The following RIMS1 variants were observed in gnomAD, a reference collection of about 807,000 sequenced individuals.
RIMS1 encodes regulating synaptic membrane exocytosis protein 1.
Under a neutral mutation model 214.1 loss-of-function variants are expected in RIMS1, and 83 were observed. The ratio of observed to expected loss-of-function variants is 0.39; its 90% CI spans 0.32 to 0.47. The LOEUF is 0.47. Among genes scored for constraint, RIMS1 ranks in the 20% least tolerant of loss-of-function variants. The pLI is 0.99. For synonymous variants in RIMS1, 793 were observed against 786.8 expected, an observed-to-expected ratio of 1.01 and a Z score of -0.13; for missense variants, 2,050 against 2,161.8, an observed-to-expected ratio of 0.95 and a Z score of 1.03.
At chr6:72,061,184 A>G (rs570403) in intron 2 of RIMS1, among the ~76,000 whole-genome samples, 103,486 of 151,952 alleles carry the variant, frequency 0.68, 35,681 homozygotes, top group African/African-American at 0.8. Context: ...ACTCAGACCT[A>G]CTAAAATAAT....
At chr6:72,247,333 G>A (rs894262315) in intron 11 of RIMS1, among the ~76,000 whole-genome samples, 2 of 152,122 alleles carry the variant, frequency 1.3e-5, no homozygotes, top group Admixed American at 1.3e-4. Context: ...GAGGTCAGGA[G>A]TTCGAGACCA....
intron 19 of RIMS1, chr6:72,263,689 G>C: frequency 1.0e-6 from 1 of 985,298 alleles, no homozygotes; most frequent in Non-Finnish European, 1.2e-6. Flanking sequence ...CTTAGTTTCA[G>C]TAAAATTTGT....
chr6:71,887,278 G>A, intron 1 of RIMS1, 91 bp downstream of exon 1: 16 of 1,492,960 alleles, frequency 1.1e-5, no homozygotes, highest in Admixed American at 2.0e-5. Flanking sequence ...CTGAGTGTGG[G>A]GAAGGGGCTG....
chr6:72,344,669 T>C (rs1031291733), intron 29 of RIMS1, among the ~76,000 whole-genome samples: 1 of 151,774 alleles, frequency 6.6e-6, no homozygotes, highest in African/African-American at 2.4e-5. Flanking sequence ...ATCAAATGAA[T>C]GTAAGCATGG....
intron 4 of RIMS1, among the ~76,000 whole-genome samples, chr6:72,130,917 C>T (rs2153837820): frequency 6.6e-6 from 1 of 152,146 alleles, no homozygotes; most frequent in Middle Eastern, 3.4e-3. Flanking sequence ...TTGAGAGACT[C>T]CCCAAAACAG....
chr6:72,249,884 T>C (rs980230640), intron 12 of RIMS1, among the ~76,000 whole-genome samples: 1 of 152,166 alleles, frequency 6.6e-6, no homozygotes, highest in South Asian at 2.1e-4. Flanking sequence ...GTATTTCTTA[T>C]TCCTAATATC....
At chr6:71,946,203 G>T (rs1397925250) in intron 1 of RIMS1, among the ~76,000 whole-genome samples, 1 of 152,142 alleles carries the variant, frequency 6.6e-6, no homozygotes, top group African/African-American at 2.4e-5. Context: ...TGTGTTCATG[G>T]GTTGGAATGA....
At chr6:72,003,456 T>C (rs540413031) in intron 2 of RIMS1, among the ~76,000 whole-genome samples, 1 of 152,258 alleles carries the variant, frequency 6.6e-6, no homozygotes, top group South Asian at 2.1e-4. Context: ...AATGAATGAA[T>C]GACAGTTGAG....
At chr6:71,964,766 G>A (rs929767635) in intron 1 of RIMS1, among the ~76,000 whole-genome samples, 2 of 152,154 alleles carry the variant, frequency 1.3e-5, no homozygotes, top group East Asian at 3.9e-4. Context: ...TGTTGAGGAG[G>A]CAGTTAGATG....
In RIMS1 at chr6:72,313,792, G is replaced by A. The variant is rs148677991; in HGVS notation, c.4130+120G>A. On this transcript the variant is annotated intron_variant, in intron 28 of 33. Transcript: ENST00000521978. ...GGTCACAGTGGGTTAAGTATTTATC[G>A]ACTACTATGTAGTATTGCCAACAGA... The A allele has an allele frequency of 5.3e-4, 520 of 978,242 alleles. 3 individuals are homozygous for A. The African/African-American group carries it at 7.3e-3, about 14-fold the overall frequency. The allele number at this position is 978,242 out of a possible 1,614,324, so 60.6% of individuals were successfully genotyped here.
At chr6:72,033,518 G>A (rs551764976) in intron 2 of RIMS1, among the ~76,000 whole-genome samples, 1 of 151,922 alleles carries the variant, frequency 6.6e-6, no homozygotes, top group African/African-American at 2.4e-5. Flanking sequence ...TGCTCTTGTT[G>A]CCCAGGCTGG....
chr6:72,137,036 G>A (rs1229991631), intron 4 of RIMS1, among the ~76,000 whole-genome samples: 5 of 151,930 alleles, frequency 3.3e-5, no homozygotes, highest in Non-Finnish European at 7.4e-5. Flanking sequence ...TAGAATAAAA[G>A]TGGAGAGAAA....
intron 2 of RIMS1, among the ~76,000 whole-genome samples, chr6:72,081,325 T>A (rs1416222816): frequency 6.6e-6 from 1 of 152,194 alleles, no homozygotes; most frequent in South Asian, 2.1e-4. Context: ...AACTGTTGAC[T>A]TGGAATTAGA....
At chr6:71,931,325 C>T (rs561087738) in intron 1 of RIMS1, among the ~76,000 whole-genome samples, 30 of 151,916 alleles carry the variant, frequency 2.0e-4, no homozygotes, top group Admixed American at 5.9e-4. Context: ...AGATTTGACC[C>T]GAAGAAACAC....
intron 24 of RIMS1, 144 bp downstream of exon 24, chr6:72,284,262 G>A: frequency 3.4e-6 from 2 of 582,778 alleles, no homozygotes; most frequent in Non-Finnish European, 6.0e-6. Context: ...ACCCCTAAAT[G>A]GAAATGATCT....
At chr6:72,260,562 T>G in intron 18 of RIMS1, 143 bp from the exon 19 acceptor site, 1 of 1,097,096 alleles carries the variant, frequency 9.1e-7, no homozygotes, top group Non-Finnish European at 1.3e-6. Flanking sequence ...CTTTTATGTT[T>G]ATTTTTGTTT....
At chr6:71,943,385 T>C (rs550778812) in intron 1 of RIMS1, among the ~76,000 whole-genome samples, 1 of 152,274 alleles carries the variant, frequency 6.6e-6, no homozygotes. Context: ...TCCCACTGGA[T>C]TATCCCAAAC....
chr6:71,896,654 C>G (rs1191875142), intron 1 of RIMS1, among the ~76,000 whole-genome samples: 1 of 152,086 alleles, frequency 6.6e-6, no homozygotes, highest in Non-Finnish European at 1.5e-5. Flanking sequence ...TGGGAAAAGA[C>G]TAAATACTCA....
In RIMS1 at chr6:72,182,394, G is replaced by A; in HGVS notation, c.923G>A (p.Arg308Gln). The change falls in exon 6 of 34, where the codon CGG becomes CAG. Residue 308 changes from arginine to glutamine, a missense_variant. Around this residue, in one of 6 missense-constraint regions of RIMS1, gnomAD observed 882 missense variants for 828.9 expected, o/e 1.06. Coordinates refer to ENST00000521978, the MANE Select transcript of RIMS1 (RefSeq NM_014989.7). ...CCCGTGGAGGGGGCCGTCGAAGAACGGGAGCGCAAAGAAAGGCGGGAAAGC... is the reference window on the plus strand; with the variant it reads ...CCCGTGGAGGGGGCCGTCGAAGAACAGGAGCGCAAAGAAAGGCGGGAAAGC... ...AQPVEGAVEERERKERRESRR... is the reference protein window; with the variant it reads ...AQPVEGAVEEQERKERRESRR... The A allele has an allele frequency of 5.0e-6, 8 of 1,613,936 alleles. No homozygotes were observed. Among genetic ancestry groups the A allele is most frequent in the Non-Finnish European group, 6.8e-6 (8 of 1,179,890 alleles).
Sources: allele counts gnomAD v4.1 joint callset (sites outside exome capture counted in the v4.1 genomes callset), GRCh38; gene constraint gnomAD v4.1.1; regional missense constraint gnomAD v4.1.1; transcripts MANE v1.5; gene names NCBI Gene and HGNC (gene_info 2026-07-23, HGNC 2026-07-21).